Variants in UBE2H observed in about 807,000 individuals in gnomAD.
UBE2H encodes ubiquitin conjugating enzyme E2 H.
UBE2H carries 3 observed loss-of-function variants against 29.0 expected under a neutral mutation model. The ratio of observed to expected loss-of-function variants is 0.10; its 90% CI spans 0.05 to 0.27. The LOEUF is 0.27. UBE2H is among the 10% of genes least tolerant of loss of function. The pLI, the probability that UBE2H is intolerant of heterozygous loss-of-function variation, is 1.00. For synonymous variants in UBE2H, 69 were observed against 82.9 expected, an observed-to-expected ratio of 0.83 and a Z score of 0.91; for missense variants, 68 against 228.2, an observed-to-expected ratio of 0.30 and a Z score of 4.52.
At chr7:129,862,553 T>C (rs1167729802) in intron 3 of UBE2H, among the ~76,000 whole-genome samples, 1 of 151,866 alleles carries the variant, frequency 6.6e-6, no homozygotes, top group Non-Finnish European at 1.5e-5. Context: ...AATGAGATGG[T>C]CAGGAAGGGA....
At chr7:129,864,660 TCCTG>T (rs952753534) in intron 3 of UBE2H, among the ~76,000 whole-genome samples, 5 of 149,740 alleles carry the variant, frequency 3.3e-5, no homozygotes, top group African/African-American at 1.2e-4. Context: ...CAAGCTATTC[TCCTG>T]CCTCAGCCTC....
intron 1 of UBE2H, among the ~76,000 whole-genome samples, chr7:129,945,851 T>A (rs1807750885): frequency 6.6e-6 from 1 of 152,152 alleles, no homozygotes; most frequent in South Asian, 2.1e-4. Flanking sequence ...AGCGAATTGA[T>A]TCTCCTGCCT....
At chr7:129,885,041 TGA>T (rs1204829814) in intron 1 of UBE2H, among the ~76,000 whole-genome samples, 9 of 150,740 alleles carry the variant, frequency 6.0e-5, no homozygotes, top group African/African-American at 1.7e-4. Context: ...CACTCCAGCC[TGA>T]GAGAGAGAGA....
intron 4 of UBE2H, among the ~76,000 whole-genome samples, 175 bp downstream of exon 4, chr7:129,858,727 G>A (rs925607534): frequency 9.9e-5 from 15 of 152,266 alleles, no homozygotes; most frequent in Admixed American, 5.9e-4. Context: ...AGCAGAATGT[G>A]AACTAAGTGA....
At chr7:129,836,874 C>T (rs1450049313) in intron 6 of UBE2H, among the ~76,000 whole-genome samples, 2 of 54,612 alleles carry the variant, frequency 3.7e-5, no homozygotes, top group African/African-American at 5.4e-5. Flanking sequence ...GGCAAGACTC[C>T]GTCTCAAAAA....
At chr7:129,935,403 A>T (rs1372076877) in intron 1 of UBE2H, among the ~76,000 whole-genome samples, 1 of 148,592 alleles carries the variant, frequency 6.7e-6, no homozygotes, top group African/African-American at 2.5e-5. Context: ...ACAGAGCGAG[A>T]CTGTCTCAAA....
chr7:129,921,473 G>A (rs553185746), intron 1 of UBE2H, among the ~76,000 whole-genome samples: 131 of 152,194 alleles, frequency 8.6e-4, no homozygotes, highest in African/African-American at 2.7e-3. Context: ...CGAGGCGGGC[G>A]GATGACTTGA....
At chr7:129,948,919 C>G (rs1022165752) in intron 1 of UBE2H, 5 of 414,058 alleles carry the variant, frequency 1.2e-5, no homozygotes, top group Admixed American at 2.6e-5. Flanking sequence ...TCCCCAGCCC[C>G]CACCTCTTTT....
At chr7:129,905,450 C>T (rs1318286870) in intron 1 of UBE2H, among the ~76,000 whole-genome samples, 1 of 152,098 alleles carries the variant, frequency 6.6e-6, no homozygotes, top group African/African-American at 2.4e-5. Flanking sequence ...AACACTGGTA[C>T]ACAATTAAAA....
chr7:129,919,676 G>A (rs922434030), intron 1 of UBE2H, among the ~76,000 whole-genome samples: 1 of 152,156 alleles, frequency 6.6e-6, no homozygotes, highest in African/African-American at 2.4e-5. Context: ...GCACCCCGTT[G>A]TGTGTCCCTT....
intron 6 of UBE2H, among the ~76,000 whole-genome samples, chr7:129,838,859 G>A (rs999728446): frequency 3.9e-5 from 6 of 152,110 alleles, no homozygotes; most frequent in African/African-American, 1.4e-4. Context: ...GGCTGGTCTC[G>A]ATCTCCTGAC....
intron 5 of UBE2H, among the ~76,000 whole-genome samples, chr7:129,840,345 C>A (rs1297950188): frequency 6.6e-6 from 1 of 151,970 alleles, no homozygotes. Context: ...TGCCACCATA[C>A]CCAGCTAATT....
chr7:129,926,338 C>T (rs1233358043), intron 1 of UBE2H, among the ~76,000 whole-genome samples: 2 of 151,806 alleles, frequency 1.3e-5, no homozygotes, highest in Non-Finnish European at 2.9e-5. Flanking sequence ...GGAGAAACCC[C>T]TTCTCTACTA....
intron 1 of UBE2H, among the ~76,000 whole-genome samples, chr7:129,931,661 T>G (rs1807402836): frequency 6.6e-6 from 1 of 152,120 alleles, no homozygotes; most frequent in Non-Finnish European, 1.5e-5. Flanking sequence ...ATGTTTTGAA[T>G]GTAATTGGAA....
intron 3 of UBE2H, among the ~76,000 whole-genome samples, chr7:129,860,038 A>C (rs2116320779): frequency 6.6e-6 from 1 of 152,344 alleles, no homozygotes; most frequent in East Asian, 1.9e-4. Flanking sequence ...CTGCAATCTG[A>C]ATAAAGTATT....
At chr7:129,845,892 TA>T (rs1482644418) in intron 5 of UBE2H, among the ~76,000 whole-genome samples, 2 of 152,198 alleles carry the variant, frequency 1.3e-5, no homozygotes, top group African/African-American at 4.8e-5. Context: ...CACACATTAC[TA>T]AAAGTGACTA....
intron 1 of UBE2H, among the ~76,000 whole-genome samples, chr7:129,896,053 C>T (rs918725421): frequency 6.6e-6 from 1 of 152,030 alleles, no homozygotes; most frequent in African/African-American, 2.4e-5. Context: ...TTTGAAAAAT[C>T]TTGGCTGGGC....
chr7:129,924,119 C>G (rs969536037), intron 1 of UBE2H, among the ~76,000 whole-genome samples: 1 of 152,164 alleles, frequency 6.6e-6, no homozygotes, highest in African/African-American at 2.4e-5. Flanking sequence ...CACTTGCAAT[C>G]CTAGCACTTC....
At chr7:129,944,981 G>A (rs1272964060) in intron 1 of UBE2H, among the ~76,000 whole-genome samples, 1 of 152,048 alleles carries the variant, frequency 6.6e-6, no homozygotes, top group Non-Finnish European at 1.5e-5. Context: ...AAATAACATG[G>A]GTGAATCTCA....
Sources: gnomAD v4.1 joint callset for allele counts (sites outside exome capture counted in the v4.1 genomes callset) on GRCh38, gnomAD v4.1.1 for gene constraint, MANE v1.5 for transcripts, NCBI Gene and HGNC (gene_info 2026-07-23, HGNC 2026-07-21) for gene names.